Variants in MID2 observed in about 807,000 individuals in gnomAD.
MID2 encodes the protein probable E3 ubiquitin-protein ligase MID2.
Under a neutral mutation model 46.1 loss-of-function variants are expected in MID2, and 13 were observed. The ratio of observed to expected loss-of-function variants is 0.28; its 90% CI spans 0.18 to 0.45. The LOEUF is 0.45. Ranked by LOEUF, MID2 falls within the 20% of genes least tolerant of loss-of-function variation. The pLI, the probability that MID2 is intolerant of heterozygous loss-of-function variation, is 1.00. For synonymous variants in MID2, 199 were observed against 212.3 expected (o/e 0.94, Z 0.55); for missense variants, 431 against 575.4 (o/e 0.75, Z 2.57).
intron 7 of MID2, among the ~76,000 whole-genome samples, chrX:107,919,172 A>T (rs910153028): frequency 9.0e-6 from 1 of 111,544 alleles, no homozygotes; most frequent in Non-Finnish European, 1.9e-5. Flanking sequence ...AGTAAATAAT[A>T]ACAACAATAA....
rs566886961 is a variant in MID2, at chrX:107,917,047, A to G, written c.1202-459A>G. 3.6e-5 allele frequency among the ~76,000 whole-genome samples: 4 copies of G among 112,122 alleles called. No individual in the cohort carries two copies. In the South Asian group the frequency reaches 1.5e-3, roughly 42 times the overall value. The stretch of plus-strand genomic sequence containing the variant: ...TCCCAGCTTCTCAGGAGGCTGATGC[A>G]GGAGAATCACTTGAACCCAGAAGGC... On this transcript the variant is annotated intron_variant, in intron 6 of 9. Coordinates refer to ENST00000262843, the MANE Select transcript of MID2 (RefSeq NM_012216.4).
chrX:107,892,576 T>C (rs1420036852), intron 3 of MID2, among the ~76,000 whole-genome samples: 1 of 111,669 alleles, frequency 9.0e-6, no homozygotes, highest in Non-Finnish European at 1.9e-5. Flanking sequence ...AATGAACTTG[T>C]AAAATGCAAA....
At chrX:107,886,808 T>G (rs1443485372) in intron 3 of MID2, among the ~76,000 whole-genome samples, 33 of 111,611 alleles carry the variant, frequency 3.0e-4, no homozygotes, top group Admixed American at 1.9e-3. Flanking sequence ...TTGAGCAGTG[T>G]TTTGTAGTTC....
intron 1 of MID2, among the ~76,000 whole-genome samples, chrX:107,833,467 T>G (rs914140572): frequency 6.4e-5 from 7 of 108,617 alleles, no homozygotes; most frequent in Non-Finnish European, 1.3e-4. Context: ...CATTTCTCAA[T>G]CTACAGCCCA....
At chrX:107,857,673 C>T (rs1239709852) in intron 3 of MID2, among the ~76,000 whole-genome samples, 1 of 112,022 alleles carries the variant, frequency 8.9e-6, no homozygotes, top group South Asian at 3.7e-4. Context: ...TCAGGACAAA[C>T]CTCAGGATTA....
chrX:107,853,587 A>C (rs1049977186), intron 2 of MID2, among the ~76,000 whole-genome samples: 3 of 111,459 alleles, frequency 2.7e-5, no homozygotes, highest in African/African-American at 9.8e-5. Context: ...GGCGTGAACC[A>C]CCGTGCCTGG....
intron 3 of MID2, among the ~76,000 whole-genome samples, chrX:107,903,421 A>G (rs1376922652): frequency 1.8e-5 from 2 of 111,443 alleles, no homozygotes; most frequent in Admixed American, 9.5e-5. Context: ...GGACAGCCCA[A>G]GGTGAGAAAT....
At chrX:107,861,725 G>A (rs1016404346) in intron 3 of MID2, among the ~76,000 whole-genome samples, 1 of 112,609 alleles carries the variant, frequency 8.9e-6, no homozygotes, top group African/African-American at 3.2e-5. Flanking sequence ...TCGAAGAGCA[G>A]AAAAGTCAGA....
intron 7 of MID2, among the ~76,000 whole-genome samples, chrX:107,924,131 CA>C (rs1437245756): frequency 1.8e-5 from 2 of 112,550 alleles, no homozygotes; most frequent in Non-Finnish European, 3.8e-5. Flanking sequence ...TCAATTGCCA[CA>C]AGCAAGGAGC....
At chrX:107,896,514 T>C (rs1932737394) in intron 3 of MID2, among the ~76,000 whole-genome samples, 1 of 112,765 alleles carries the variant, frequency 8.9e-6, no homozygotes, top group African/African-American at 3.2e-5. Context: ...ATAATGCCAT[T>C]CCTAAGGCAT....
chrX:107,871,707 C>G (rs959023749), intron 3 of MID2, among the ~76,000 whole-genome samples: 2 of 110,757 alleles, frequency 1.8e-5, no homozygotes, highest in Non-Finnish European at 3.8e-5. Context: ...TCATTTTCCC[C>G]CAGAGTCTAG....
At chrX:107,914,156 G>A (rs778579159) in intron 5 of MID2, among the ~76,000 whole-genome samples, 1 of 112,147 alleles carries the variant, frequency 8.9e-6, no homozygotes, top group Admixed American at 9.4e-5. Flanking sequence ...TTCATGATGT[G>A]TGAGCTCTTG....
intron 3 of MID2, among the ~76,000 whole-genome samples, chrX:107,857,281 CTTTT>C (rs1172837242): frequency 1.0e-5 from 1 of 97,454 alleles, no homozygotes; most frequent in Non-Finnish European, 2.1e-5. Flanking sequence ...TTAACTTCCT[CTTTT>C]TTTTTTTTTT....
chrX:107,877,853 A>C (rs1403005093), intron 3 of MID2, among the ~76,000 whole-genome samples: 1 of 110,877 alleles, frequency 9.0e-6, no homozygotes, highest in Non-Finnish European at 1.9e-5. Context: ...TTAGGGCAAA[A>C]AGGTGCATCA....
chrX:107,893,357 G>A (rs1421004039), intron 3 of MID2, among the ~76,000 whole-genome samples: 2 of 112,217 alleles, frequency 1.8e-5, no homozygotes, highest in East Asian at 5.6e-4. Context: ...TTACTAGAAT[G>A]TTTTTATTTT....
chrX:107,877,424 G>A (rs926630577), intron 3 of MID2, among the ~76,000 whole-genome samples: 3 of 111,877 alleles, frequency 2.7e-5, no homozygotes, highest in African/African-American at 6.5e-5. Context: ...TACCCATTCC[G>A]AAAGACAGGG....
rs1930936741 is a variant in MID2 at position 107,826,196 on chromosome X, C to G, written c.-231C>G. ...CCAGCTGCGGTAGCATCGCGGCCGC[C>G]GTGCTGTCCCCTGCGGGGCGCGCGG... is the stretch of plus-strand genomic sequence containing the variant. On this transcript the variant is annotated 5_prime_UTR_variant, in exon 1 of 10. Transcript: ENST00000262843. The G allele has an allele frequency of 3.3e-6, 1 of 301,247 alleles. No individual in the cohort carries two copies. The highest frequency in any genetic ancestry group is 5.6e-6 in the Non-Finnish European group (1 of 177,273). The allele number at this position is 301,247 out of a possible 1,213,427, so 24.8% of individuals were successfully genotyped here.
intron 3 of MID2, chrX:107,901,129 C>T (rs940395416): frequency 2.7e-5 from 3 of 111,824 alleles, no homozygotes; most frequent in Non-Finnish European, 5.6e-5. Flanking sequence ...GGCTCAGATC[C>T]TCACTATATT....
rs7888338 is a variant in MID2 at position 107,912,871 on chromosome X, A to G, written c.1074-3131A>G. On this transcript the variant is annotated intron_variant, in intron 5 of 9. Coordinates refer to ENST00000262843, the MANE Select transcript of MID2 (RefSeq NM_012216.4). Reference sequence around the variant, plus strand: ...CCCACAGGGTCTGAAATTTTCCCCCACCATTATGCATTGTATTGTGTTAAG... The same window carrying G: ...CCCACAGGGTCTGAAATTTTCCCCCGCCATTATGCATTGTATTGTGTTAAG... Among the ~76,000 whole-genome samples the G allele has an allele frequency of 6.0e-3, 666 of 111,091 alleles. 7 individuals carry two copies. Among genetic ancestry groups the G allele is most frequent in the African/African-American group, 0.02 (625 of 30,559 alleles).
Sources: gnomAD v4.1 joint callset for allele counts (sites outside exome capture counted in the v4.1 genomes callset) on GRCh38, gnomAD v4.1.1 for gene constraint, MANE v1.5 for transcripts, NCBI Gene and HGNC (gene_info 2026-07-23, HGNC 2026-07-21) for gene names.